The following SLC9C1 variants were observed in gnomAD, a reference collection of about 807,000 sequenced individuals.
SLC9C1 encodes the protein solute carrier family 9 member C1, also known as sodium/hydrogen exchanger 10.
In SLC9C1, 97 loss-of-function variants were observed where a neutral mutation model predicts 140.9. The ratio of observed to expected loss-of-function variants is 0.69; its 90% CI spans 0.58 to 0.82. SLC9C1 has a LOEUF of 0.82. Ranked by LOEUF, SLC9C1 falls within the 40% of genes least tolerant of loss-of-function variation. SLC9C1 has a pLI of 0.00. For synonymous variants in SLC9C1, 440 were observed against 442.6 expected, an observed-to-expected ratio of 0.99 and a Z score of 0.07; for missense variants, 1,340 against 1,389.3, an observed-to-expected ratio of 0.96 and a Z score of 0.56.
At chr3:112,155,137 T>G (rs1024623103) in intron 26 of SLC9C1, 88 bp from the exon 27 acceptor site, 37 of 1,156,406 alleles carry the variant, frequency 3.2e-5, no homozygotes, top group Middle Eastern at 4.0e-4. Flanking sequence ...TAGATCAGAT[T>G]CAAATCACAC....
chr3:112,236,887 A>C (rs2079001973), intron 12 of SLC9C1, among the ~76,000 whole-genome samples: 1 of 152,200 alleles, frequency 6.6e-6, no homozygotes, highest in African/African-American at 2.4e-5. Context: ...ACTTCCAACT[A>C]TGTGGTCAGT....
intron 3 of SLC9C1, 32 bp from the exon 4 acceptor site, chr3:112,278,889 T>TTATTCATC: frequency 6.3e-7 from 1 of 1,587,934 alleles, no homozygotes. Flanking sequence ...ATCTTCTCAT[T>TTATTCATC]TATTCATCAC....
At chr3:112,264,755 A>AT (rs1265368057) in intron 8 of SLC9C1, among the ~76,000 whole-genome samples, 1 of 151,994 alleles carries the variant, frequency 6.6e-6, no homozygotes, top group African/African-American at 2.4e-5. Context: ...ATTGTCTTAG[A>AT]TTTTCACTGT....
chr3:112,215,629 C>T (rs2078340917), intron 15 of SLC9C1, among the ~76,000 whole-genome samples: 1 of 152,032 alleles, frequency 6.6e-6, no homozygotes, highest in African/African-American at 2.4e-5. Flanking sequence ...AATGAAATAC[C>T]TAGGAATCCA....
At chr3:112,158,208 G>C (rs2075181527) in intron 26 of SLC9C1, among the ~76,000 whole-genome samples, 1 of 151,754 alleles carries the variant, frequency 6.6e-6, no homozygotes, top group African/African-American at 2.4e-5. Context: ...TATTCAATTT[G>C]TTGATGATTT....
chr3:112,280,879 C>T (rs1434353049), intron 2 of SLC9C1, 96 bp from the exon 3 acceptor site: 2 of 813,798 alleles, frequency 2.5e-6, no homozygotes. Flanking sequence ...CAATGTCTTA[C>T]AGTTTCACTA....
rs769099787 is a variant in SLC9C1 at position 112,151,884 on chromosome 3, G to A, written c.3497C>T (p.Ser1166Phe). ...LLGTKFNCKE[S>F]PRINLRKVRK... Reference sequence around the variant, plus strand: ...GACTTTCCTTAGGTTTATTCTAGGGGACTCCTTACAGTTGAACTTTGTCCC... The same window carrying A: ...GACTTTCCTTAGGTTTATTCTAGGGAACTCCTTACAGTTGAACTTTGTCCC... The change falls in exon 28 of 29, where the codon TCC becomes TTC. Residue 1166 changes from serine (S) to phenylalanine (F), a missense_variant. Ser to Phe is a radical substitution (Grantham distance 155, BLOSUM62 -2). Transcript: ENST00000305815. 1 of 1,612,372 alleles carries A rather than the reference G, an allele frequency of 6.2e-7. No individual in the cohort carries two copies. The highest frequency in any genetic ancestry group is 2.2e-5 in the East Asian group (1 of 44,850).
In SLC9C1 at chr3:112,223,818, G is replaced by A. The variant is rs1653512638; in HGVS notation, c.1573-2593C>T. Among the ~76,000 whole-genome samples the A allele has an allele frequency of 1.3e-5, 2 of 152,172 alleles. 1 individual carries two copies. The highest frequency in any genetic ancestry group is 4.1e-4 in the South Asian group (2 of 4,828). On this transcript the variant is annotated intron_variant, in intron 13 of 28. Transcript: ENST00000305815. Reference sequence around the variant, plus strand: ...TGTACTACACATTGTGGTATTCACTGAAGACATACAGATAAATAAATCACA... The same window carrying A: ...TGTACTACACATTGTGGTATTCACTAAAGACATACAGATAAATAAATCACA...
At chr3:112,187,236 C>G (rs1282074684) in intron 20 of SLC9C1, among the ~76,000 whole-genome samples, 5 of 152,170 alleles carry the variant, frequency 3.3e-5, no homozygotes, top group Non-Finnish European at 7.4e-5. Flanking sequence ...ATCCACATGA[C>G]AGATTGCTGT....
chr3:112,245,589 TATGCCAGC>T (rs2108236508), intron 10 of SLC9C1, among the ~76,000 whole-genome samples: 1 of 152,252 alleles, frequency 6.6e-6, no homozygotes, highest in South Asian at 2.1e-4. Flanking sequence ...TTTTTATTCT[TATGCCAGC>T]ATGCTACTGA....
chr3:112,179,535 A>C lies in SLC9C1; in HGVS notation c.2915T>G (p.Val972Gly). Residue 972 changes from valine (V) to glycine (G), a missense_variant, in exon 23 of 29, where the codon GTG (valine) becomes GGG (glycine). Coordinates refer to ENST00000305815, the MANE Select transcript of SLC9C1 (RefSeq NM_183061.3). ...MKYSATCKTV[V>G]ETCFIPKTHL... ...CACAGGCGAAGTTTTTCTGACCTCC[A>C]CTACAGTTTTGCAGGTGGCAGAATA... The C allele has an allele frequency of 6.2e-7, 1 of 1,601,780 alleles. No homozygotes were observed. Among genetic ancestry groups the C allele is most frequent in the South Asian group, 1.2e-5 (1 of 86,706 alleles).
At chr3:112,149,422 G>A (rs1246695195) in intron 28 of SLC9C1, among the ~76,000 whole-genome samples, 3 of 152,058 alleles carry the variant, frequency 2.0e-5, no homozygotes, top group Non-Finnish European at 4.4e-5. Flanking sequence ...CAGTGAGTGA[G>A]TAATCCAAAT....
chr3:112,141,496 C>CA (rs1197148691), intron 28 of SLC9C1, among the ~76,000 whole-genome samples: 2 of 151,968 alleles, frequency 1.3e-5, no homozygotes, highest in Non-Finnish European at 2.9e-5. Flanking sequence ...ACCTAGGAGT[C>CA]AGAGTCTGAG....
intron 1 of SLC9C1, among the ~76,000 whole-genome samples, chr3:112,293,245 C>T (rs2080740272): frequency 6.6e-6 from 1 of 151,386 alleles, no homozygotes; most frequent in South Asian, 2.1e-4. Context: ...CACTGCACTC[C>T]AGCTTGGGTG....
chr3:112,202,464 G>A, intron 17 of SLC9C1, 65 bp from the exon 18 acceptor site: 3 of 1,445,638 alleles, frequency 2.1e-6, no homozygotes, highest in Non-Finnish European at 2.8e-6. Context: ...ATGTTGATTA[G>A]TTTAATCAAA....
chr3:112,267,328 G>A (rs2079946417), intron 7 of SLC9C1, among the ~76,000 whole-genome samples: 1 of 152,034 alleles, frequency 6.6e-6, no homozygotes, highest in African/African-American at 2.4e-5. Flanking sequence ...TGTAATCCCA[G>A]CACTTTGGGA....
Position 112,264,346 on chromosome 3 carries a change from G to A in SLC9C1, c.879-3C>T. 7.0e-7 allele frequency: 1 copy of A among 1,420,634 alleles called. No individual in the cohort carries two copies. Among genetic ancestry groups the A allele is most frequent in the Non-Finnish European group, 9.2e-7 (1 of 1,082,586 alleles). The allele number at this position is 1,420,634 out of a possible 1,614,324, so 88.0% of individuals were successfully genotyped here. On this transcript the variant is annotated splice_polypyrimidine_tract_variant and splice_region_variant and intron_variant, in intron 8 of 28. Transcript: ENST00000305815. The stretch of plus-strand genomic sequence containing the variant: ...TACGTGATAGAAAAGTCCAGAATCT[G>A]CATCATTCAGAAAAAATTAAAAATA...
At chr3:112,278,038 A>C (rs537329575) in intron 4 of SLC9C1, among the ~76,000 whole-genome samples, 178 bp from the exon 5 acceptor site, 105 of 152,184 alleles carry the variant, frequency 6.9e-4, no homozygotes, top group Non-Finnish European at 7.6e-4. Flanking sequence ...TTGACCAAAG[A>C]TGCAGGACCC....
At chr3:112,157,028 A>G (rs1051843980) in intron 26 of SLC9C1, among the ~76,000 whole-genome samples, 4 of 152,076 alleles carry the variant, frequency 2.6e-5, no homozygotes, top group African/African-American at 9.6e-5. Context: ...TTAGCTTGAT[A>G]TAATCCCACT....
Sources: gnomAD v4.1 joint callset for allele counts (sites outside exome capture counted in the v4.1 genomes callset) on GRCh38, gnomAD v4.1.1 for gene constraint, MANE v1.5 for transcripts, NCBI Gene and HGNC (gene_info 2026-07-23, HGNC 2026-07-21) for gene names.